The following DSTYK variants were observed in gnomAD, a reference collection of about 807,000 sequenced individuals.
DSTYK encodes the protein RIP-homologous kinase.
Under a neutral mutation model 98.7 loss-of-function variants are expected in DSTYK, and 34 were observed. The ratio of observed to expected loss-of-function variants is 0.34; its 90% CI spans 0.26 to 0.46. The LOEUF (loss-of-function observed/expected upper bound fraction) is 0.46, where lower values mean the gene tolerates loss of function less well. DSTYK is among the 20% of genes least tolerant of loss of function. The probability of loss-of-function intolerance (pLI) is 1.00; values close to 1 mark genes in which losing one functional copy is unlikely to be tolerated. For synonymous variants in DSTYK, 462 were observed against 457.3 expected, an observed-to-expected ratio of 1.01 and a Z score of -0.13; for missense variants, 962 against 1,181.7, an observed-to-expected ratio of 0.81 and a Z score of 2.73.
At chr1:205,166,245 G>A (rs1395364230) in intron 3 of DSTYK, among the ~76,000 whole-genome samples, 1 of 151,994 alleles carries the variant, frequency 6.6e-6, no homozygotes, top group African/African-American at 2.4e-5. Flanking sequence ...TTATAACTCT[G>A]AGTTAAGTAC....
intron 6 of DSTYK, 34 bp from the exon 7 acceptor site, chr1:205,161,421 A>G: frequency 1.2e-6 from 2 of 1,611,498 alleles, no homozygotes; most frequent in African/African-American, 2.7e-5. Flanking sequence ...CATATGACTT[A>G]AGTCCCTAGC....
chr1:205,178,270 C>G, intron 2 of DSTYK, among the ~76,000 whole-genome samples: 1 of 152,004 alleles, frequency 6.6e-6, no homozygotes, highest in East Asian at 1.9e-4. Context: ...CAACTCTCTT[C>G]TCTCTATCTC....
chr1:205,187,304 C>T, intron 2 of DSTYK, 114 bp downstream of exon 2: 2 of 1,218,592 alleles, frequency 1.6e-6, no homozygotes, highest in Non-Finnish European at 2.2e-6. Flanking sequence ...CTCCACTAGC[C>T]ACTGCTGCTC....
At chr1:205,202,693 A>T in intron 1 of DSTYK, 1 of 1,035,686 alleles carries the variant, frequency 9.7e-7, no homozygotes, top group Non-Finnish European at 1.5e-6. Flanking sequence ...CCAGAAGAAA[A>T]AGTTATCCCA....
chr1:205,199,405 T>C (rs1658961002), intron 1 of DSTYK, among the ~76,000 whole-genome samples: 1 of 152,244 alleles, frequency 6.6e-6, no homozygotes, highest in Non-Finnish European at 1.5e-5. Flanking sequence ...CCAAGAGTTT[T>C]GGTTTGGACT....
chr1:205,182,988 C>T (rs972374319), intron 2 of DSTYK, among the ~76,000 whole-genome samples: 1 of 151,554 alleles, frequency 6.6e-6, no homozygotes, highest in Non-Finnish European at 1.5e-5. Context: ...CACCTCCAGG[C>T]TGCAGGAATC....
chr1:205,153,441 A>ATCTAGAGACT (rs1332376759), intron 10 of DSTYK, among the ~76,000 whole-genome samples: 23 of 152,186 alleles, frequency 1.5e-4, no homozygotes, highest in African/African-American at 5.5e-4. Flanking sequence ...TTCTAGATTA[A>ATCTAGAGACT]AGGAGACTAA....
intron 10 of DSTYK, among the ~76,000 whole-genome samples, chr1:205,151,139 G>C (rs1450815001): frequency 6.6e-6 from 1 of 152,138 alleles, no homozygotes; most frequent in African/African-American, 2.4e-5. Flanking sequence ...TGGTATAAAA[G>C]ATAAAAAATG....
chr1:205,209,743 T>C (rs182877351), intron 1 of DSTYK, among the ~76,000 whole-genome samples: 66 of 151,216 alleles, frequency 4.4e-4, no homozygotes, highest in African/African-American at 1.6e-3. Context: ...GCGCAAAACT[T>C]TGGGAATATA....
chr1:205,164,444 T>C (rs1029021650), intron 3 of DSTYK, among the ~76,000 whole-genome samples: 2 of 150,016 alleles, frequency 1.3e-5, no homozygotes, highest in African/African-American at 4.9e-5. Flanking sequence ...AAGTCTAGAA[T>C]GAGACTGTTG....
In DSTYK at chr1:205,150,783, C is replaced by G. The variant is rs1657378625; in HGVS notation, c.2364G>C (p.Gln788His). Residue 788 changes from glutamine to histidine, a missense_variant, in exon 11 of 13, where the codon CAG (glutamine) becomes CAC (histidine). By Grantham distance (24) the Gln-to-His change is conservative. Coordinates refer to ENST00000367162, the MANE Select transcript of DSTYK (RefSeq NM_015375.3). This position sits in a 1 kb window ranked among gnomAD's most constrained non-coding sequence, Gnocchi z 4.1. Reference sequence around the variant, plus strand: ...CTAAGTCAGTGATCTTGGCACGGTTCTGCTTATCCAGCTGCCAACAAAGCA... The same window carrying G: ...CTAAGTCAGTGATCTTGGCACGGTTGTGCTTATCCAGCTGCCAACAAAGCA... Reference protein sequence around the residue: ...IKLKNVLLDKQNRAKITDLGF... With the variant: ...IKLKNVLLDKHNRAKITDLGF... 6.2e-7 allele frequency: 1 copy of G among 1,613,956 alleles called. No homozygotes were observed. Among genetic ancestry groups the G allele is most frequent in the South Asian group, 1.1e-5 (1 of 91,082 alleles).
At chr1:205,165,705 G>T (rs758118634) in intron 3 of DSTYK, among the ~76,000 whole-genome samples, 9 of 152,146 alleles carry the variant, frequency 5.9e-5, no homozygotes, top group African/African-American at 1.9e-4. Context: ...TCTTTTTCTT[G>T]AGATATACCC....
intron 1 of DSTYK, among the ~76,000 whole-genome samples, chr1:205,191,779 G>A (rs576152940): frequency 2.6e-5 from 4 of 152,220 alleles, no homozygotes; most frequent in Non-Finnish European, 5.9e-5. Context: ...CTGACAGTAG[G>A]AGGGAGGAAG....
chr1:205,197,396 T>C (rs1381632385), intron 1 of DSTYK, among the ~76,000 whole-genome samples: 1 of 152,166 alleles, frequency 6.6e-6, no homozygotes, highest in Non-Finnish European at 1.5e-5. Flanking sequence ...GACTGGGTGA[T>C]GGAACAAATC....
intron 2 of DSTYK, among the ~76,000 whole-genome samples, chr1:205,172,306 T>G (rs1053640165): frequency 6.6e-6 from 1 of 151,310 alleles, no homozygotes; most frequent in Non-Finnish European, 1.5e-5. Context: ...TTGTGGTTTT[T>G]TTTTTTTTTC....
chr1:205,164,223 C>A (rs1326297700), intron 3 of DSTYK, among the ~76,000 whole-genome samples: 1 of 152,030 alleles, frequency 6.6e-6, no homozygotes, highest in Non-Finnish European at 1.5e-5. Context: ...GAGGCTGAGG[C>A]AGGAGGATTG....
intron 2 of DSTYK, among the ~76,000 whole-genome samples, chr1:205,176,476 TAAAAAAAAAAAAAAAAAAAAA>T (rs61291677): frequency 4.6e-5 from 2 of 43,188 alleles, no homozygotes; most frequent in Non-Finnish European, 9.0e-5. Flanking sequence ...AACTCCCTCT[TAAAAAAAAAAAAAAAAAAAAA>T]AAAAAAAAAA....
intron 1 of DSTYK, among the ~76,000 whole-genome samples, chr1:205,206,743 G>A (rs150377857): frequency 0.015 from 2,234 of 150,618 alleles, 68 homozygotes; most frequent in African/African-American, 0.051. Flanking sequence ...CACCCTGCCC[G>A]GCTAATTTTT....
Position 205,169,980 on chromosome 1 carries a change from G to A in DSTYK, c.655-148C>T. 1.4e-6 allele frequency: 1 copy of A among 712,748 alleles called. No individual in the cohort carries two copies. The highest frequency in any genetic ancestry group is 1.9e-5 in the South Asian group (1 of 51,470). 44.2% of individuals were successfully genotyped at this position (712,748 alleles called of 1,614,324 possible). A position where few individuals can be genotyped will look rare whatever the true frequency, so the allele number is the denominator to read the frequency against. On this transcript the variant is annotated intron_variant, in intron 2 of 12. Coordinates refer to ENST00000367162, the MANE Select transcript of DSTYK (RefSeq NM_015375.3). This position sits in a 1 kb window ranked among gnomAD's most constrained non-coding sequence, Gnocchi z 4.0. ...AGCCATTGATCCACCTCCTTCCTCG[G>A]TTACCAACACTCCCTGGTGCAGCCT...
Sources: gnomAD v4.1 joint callset for allele counts (sites outside exome capture counted in the v4.1 genomes callset) on GRCh38, gnomAD v4.1.1 for gene constraint, Gnocchi (gnomAD v3.1) non-coding constraint, MANE v1.5 for transcripts, NCBI Gene and HGNC (gene_info 2026-07-23, HGNC 2026-07-21) for gene names.